CDRT4: variants seen among roughly 807,000 people sequenced by gnomAD.
The protein encoded by CDRT4 is CMT1A duplicated region transcript 4, also known as CMT1A duplicated region transcript 4 protein.
For synonymous variants in CDRT4, 64 were observed against 69.6 expected (o/e 0.92, Z 0.40); for missense variants, 167 against 193.1 (o/e 0.87, Z 0.80).
intron 1 of CDRT4, among the ~76,000 whole-genome samples, chr17:15,457,763 G>A (rs996347058): frequency 6.6e-6 from 1 of 152,198 alleles, no homozygotes; most frequent in Non-Finnish European, 1.5e-5. Flanking sequence ...GCCACAGACA[G>A]GGAGGGCCAG....
chr17:15,454,884 T>C (rs1189945501), intron 1 of CDRT4, among the ~76,000 whole-genome samples: 1 of 152,202 alleles, frequency 6.6e-6, no homozygotes, highest in African/African-American at 2.4e-5. Flanking sequence ...TATGTTATGA[T>C]GATCCAATTG....
At chr17:15,446,249 A>G (rs867973509) in intron 2 of CDRT4, among the ~76,000 whole-genome samples, 4 of 150,350 alleles carry the variant, frequency 2.7e-5, no homozygotes, top group Non-Finnish European at 5.9e-5. Context: ...CCGAGTGCAC[A>G]CCTACGGATT....
At chr17:15,444,207 C>T (rs1424678868) in intron 2 of CDRT4, 1 of 902,338 alleles carries the variant, frequency 1.1e-6, no homozygotes. Context: ...AAGAGATGTC[C>T]AGCTACAGAA....
chr17:15,457,311 ACT>A (rs1979530780), intron 1 of CDRT4, among the ~76,000 whole-genome samples: 2 of 152,076 alleles, frequency 1.3e-5, no homozygotes, highest in African/African-American at 2.4e-5. Flanking sequence ...CCTTCCAAAA[ACT>A]CAGCTTGTTC....
At position 15,440,100 on chromosome 17, in the gene CDRT4, T is replaced by TA. The variant is rs1157418308; in HGVS notation, c.31+107_31+108insT. 6.4e-5 allele frequency: 62 copies of TA among 971,450 alleles called. 1 individual carries two copies. The African/African-American group carries it at 1.0e-3, about 16-fold the overall frequency. The allele number at this position is 971,450 out of a possible 1,614,324, so 60.2% of individuals were successfully genotyped here. A position where few individuals can be genotyped will look rare whatever the true frequency, so the allele number is the denominator to read the frequency against. On this transcript the variant is annotated intron_variant, in intron 3 of 3. Coordinates refer to ENST00000619038, the MANE Select transcript of CDRT4 (RefSeq NM_001204477.2). Reference sequence around the variant, plus strand: ...ACTTTAAGTATAATAAAAATATATATTAAAAAAAAAAAAGAGTGGCCGCCC... The same window carrying TA: ...ACTTTAAGTATAATAAAAATATATATATAAAAAAAAAAAAGAGTGGCCGCCC...
chr17:15,442,424 A>G (rs1179967308), intron 2 of CDRT4, among the ~76,000 whole-genome samples: 3 of 152,078 alleles, frequency 2.0e-5, no homozygotes, highest in Non-Finnish European at 4.4e-5. Flanking sequence ...AAAAAAAAAA[A>G]AAAGAAAGAA....
intron 2 of CDRT4, chr17:15,452,719 T>TCATCTCA (rs1455218487): frequency 6.6e-6 from 1 of 152,278 alleles, no homozygotes; most frequent in Non-Finnish European, 1.5e-5. Context: ...GCTCCAGTGA[T>TCATCTCA]ACTTCTTTTG....
intron 1 of CDRT4, among the ~76,000 whole-genome samples, chr17:15,462,178 C>T (rs777175369): frequency 3.3e-5 from 5 of 152,028 alleles, no homozygotes; most frequent in Non-Finnish European, 2.9e-5. Context: ...CCTGTAATCC[C>T]AGCACTTTGG....
chr17:15,449,087 G>A (rs1425712233), intron 2 of CDRT4, among the ~76,000 whole-genome samples: 2 of 152,214 alleles, frequency 1.3e-5, no homozygotes, highest in Non-Finnish European at 2.9e-5. Context: ...GCATGGCAAA[G>A]CCTTAATACC....
At chr17:15,438,860 G>A (rs1978623868) in intron 3 of CDRT4, among the ~76,000 whole-genome samples, 1 of 152,142 alleles carries the variant, frequency 6.6e-6, no homozygotes, top group Admixed American at 6.5e-5. Flanking sequence ...CCATTTAATA[G>A]AGGACGAAAC....
intron 2 of CDRT4, chr17:15,444,026 T>C: frequency 2.5e-6 from 2 of 814,758 alleles, no homozygotes; most frequent in Non-Finnish European, 4.1e-6. Flanking sequence ...GTGTTGCCTG[T>C]TCAGTATCTC....
chr17:15,443,094 CCCA>C (rs1978844473), intron 2 of CDRT4, among the ~76,000 whole-genome samples: 1 of 152,084 alleles, frequency 6.6e-6, no homozygotes, highest in South Asian at 2.1e-4. Context: ...AATCTCTCAT[CCCA>C]CCATTTTCAG....
intron 1 of CDRT4, among the ~76,000 whole-genome samples, chr17:15,457,031 A>T (rs1423446562): frequency 2.0e-5 from 3 of 152,174 alleles, no homozygotes; most frequent in Non-Finnish European, 4.4e-5. Context: ...AACCAGATGC[A>T]CTAGGGACGA....
chr17:15,454,982 T>C (rs1281368135), intron 1 of CDRT4, among the ~76,000 whole-genome samples: 2 of 152,150 alleles, frequency 1.3e-5, no homozygotes, highest in African/African-American at 4.8e-5. Flanking sequence ...ACTATTGGTA[T>C]ACATTCTATT....
intron 1 of CDRT4, among the ~76,000 whole-genome samples, chr17:15,458,637 C>G (rs904918326): frequency 6.6e-6 from 1 of 152,182 alleles, no homozygotes; most frequent in Admixed American, 6.5e-5. Flanking sequence ...ATCCCCGTGA[C>G]AGCCACGGTG....
intron 3 of CDRT4, among the ~76,000 whole-genome samples, chr17:15,438,987 C>T (rs1314904960): frequency 1.3e-5 from 2 of 152,100 alleles, no homozygotes; most frequent in Non-Finnish European, 1.5e-5. Flanking sequence ...GGGTGTTTGC[C>T]GAGGGGGGTG....
At position 15,437,586 on chromosome 17, in the gene CDRT4, T is replaced by TCACC; in HGVS notation, c.*183_*186dup. 1.6e-6 allele frequency: 1 copy of TCACC among 633,806 alleles called. No individual in the cohort carries two copies. Among genetic ancestry groups the TCACC allele is most frequent in the Non-Finnish European group, 2.7e-6 (1 of 368,824 alleles). 39.3% of individuals were successfully genotyped at this position (633,806 alleles called of 1,614,324 possible). ...GAGAGCAGTGTGGGAGGGGACACAC[T>TCACC]CACCCACCCACCTACAGCTTGCATT... On this transcript the variant is annotated 3_prime_UTR_variant, in exon 4 of 4. Transcript: ENST00000619038.
At chr17:15,440,361 G>A in intron 2 of CDRT4, 76 bp from the exon 3 acceptor site, 1 of 1,516,932 alleles carries the variant, frequency 6.6e-7, no homozygotes. Flanking sequence ...GGTGGGGGTG[G>A]TTCTAAGTCC....
At chr17:15,449,195 G>A (rs1392541627) in intron 2 of CDRT4, among the ~76,000 whole-genome samples, 3 of 152,228 alleles carry the variant, frequency 2.0e-5, no homozygotes, top group Non-Finnish European at 4.4e-5. Flanking sequence ...CCCACGTGGA[G>A]TAACAGCTAA....
Sources: allele counts gnomAD v4.1 joint callset (sites outside exome capture counted in the v4.1 genomes callset), GRCh38; gene constraint gnomAD v4.1.1; transcripts MANE v1.5; gene names NCBI Gene and HGNC (gene_info 2026-07-23, HGNC 2026-07-21).